Variants in PPP1R9A observed in about 807,000 individuals in gnomAD.
The protein encoded by PPP1R9A is neurabin-1.
In PPP1R9A, 59 loss-of-function variants were observed where a neutral mutation model predicts 141.9. The ratio of observed to expected loss-of-function variants is 0.42; its 90% confidence interval spans 0.34 to 0.52. The LOEUF (loss-of-function observed/expected upper bound fraction) is 0.52, where lower values mean the gene tolerates loss of function less well. PPP1R9A is among the 20% of genes least tolerant of loss of function. The probability of loss-of-function intolerance (pLI) is 0.10; values close to 1 mark genes in which losing one functional copy is unlikely to be tolerated. For synonymous variants in PPP1R9A, 500 were observed against 569.7 expected (o/e 0.88, Z 1.74); for missense variants, 1,444 against 1,611.9 (o/e 0.90, Z 1.78).
intron 2 of PPP1R9A, among the ~76,000 whole-genome samples, chr7:95,067,004 C>T (rs1045701281): frequency 1.3e-5 from 2 of 152,068 alleles, no homozygotes; most frequent in African/African-American, 2.4e-5. Context: ...CGGATTTCTC[C>T]GTTTTAACAA....
At chr7:95,226,856 C>T (rs1795210156) in intron 8 of PPP1R9A, among the ~76,000 whole-genome samples, 1 of 152,176 alleles carries the variant, frequency 6.6e-6, no homozygotes, top group Non-Finnish European at 1.5e-5. Flanking sequence ...ATGTGGATAA[C>T]TCTTCCAAAG....
At chr7:94,986,536 T>G (rs1435692248) in intron 2 of PPP1R9A, among the ~76,000 whole-genome samples, 1 of 152,140 alleles carries the variant, frequency 6.6e-6, no homozygotes, top group African/African-American at 2.4e-5. Context: ...AGGAATAAAT[T>G]CCAGTGTTGT....
chr7:95,292,927 C>T lies in PPP1R9A; in HGVS notation c.*2624C>T, dbSNP rs1806563626. ...GCTCCAATGTCTTGCACAATTCCTACTTTAATGCTAGTGGTTTTCAGTGTC... is the reference window on the plus strand; with the variant it reads ...GCTCCAATGTCTTGCACAATTCCTATTTTAATGCTAGTGGTTTTCAGTGTC... On this transcript the variant is annotated 3_prime_UTR_variant, in exon 20 of 20. Transcript: ENST00000433360. 1 of 152,190 alleles carries T rather than the reference C, an allele frequency of 6.6e-6. No homozygotes were observed. The highest frequency in any genetic ancestry group is 1.5e-5 in the Non-Finnish European group (1 of 68,042). The allele number at this position is 152,190 out of a possible 1,614,324, so 9.4% of individuals were successfully genotyped here.
chr7:95,205,467 A>C (rs1790585209), intron 7 of PPP1R9A, among the ~76,000 whole-genome samples: 1 of 152,222 alleles, frequency 6.6e-6, no homozygotes, highest in African/African-American at 2.4e-5. Flanking sequence ...AACTACCACA[A>C]ATGACAGTAT....
intron 4 of PPP1R9A, among the ~76,000 whole-genome samples, chr7:95,137,386 C>T (rs1260237292): frequency 8.2e-6 from 1 of 122,540 alleles, no homozygotes; most frequent in Non-Finnish European, 1.6e-5. Flanking sequence ...TTTCCAGCTT[C>T]ATCCATGTCC....
At chr7:95,275,678 T>TA (rs1390518299) in intron 16 of PPP1R9A, among the ~76,000 whole-genome samples, 5 of 152,150 alleles carry the variant, frequency 3.3e-5, no homozygotes, top group Admixed American at 2.0e-4. Context: ...AAAAATAAAA[T>TA]ACTATAAAAT....
chr7:95,273,309 C>A (rs924468084), intron 14 of PPP1R9A, among the ~76,000 whole-genome samples: 3 of 152,152 alleles, frequency 2.0e-5, no homozygotes, highest in Non-Finnish European at 1.5e-5. Flanking sequence ...GTAGCTGAGC[C>A]CCTGTTTAAG....
intron 2 of PPP1R9A, among the ~76,000 whole-genome samples, chr7:94,992,539 T>A (rs184097183): frequency 1.3e-5 from 2 of 152,342 alleles, no homozygotes; most frequent in Non-Finnish European, 2.9e-5. Context: ...TTAAAGAAAC[T>A]GCCAAACTGT....
rs1563370363 is a variant in PPP1R9A, at chr7:95,181,457, ATAT to A, written c.1755-16891_1755-16889del. The stretch of plus-strand genomic sequence containing the variant: ...ATATATATTCCATCATATATATAGA[ATAT>A]ATATAGAGAATATATATATTCCATC... On this transcript the variant is annotated intron_variant, in intron 5 of 19. Transcript: ENST00000433360. Among the ~76,000 whole-genome samples, 376 of 135,338 alleles carry A rather than the reference ATAT, an allele frequency of 2.8e-3. 5 individuals are homozygous for A. Among genetic ancestry groups the A allele is most frequent in the African/African-American group, 9.9e-3 (359 of 36,416 alleles). 88.8% of individuals were successfully genotyped at this position (135,338 alleles called of 152,430 possible).
At chr7:95,010,930 A>G (rs1804329598) in intron 2 of PPP1R9A, among the ~76,000 whole-genome samples, 1 of 152,110 alleles carries the variant, frequency 6.6e-6, no homozygotes, top group South Asian at 2.1e-4. Context: ...AGTACCACTG[A>G]TGTTGGTATT....
chr7:94,909,817 G>GA (rs958735994), intron 1 of PPP1R9A, 81 bp from the exon 2 acceptor site: 250 of 209,476 alleles, frequency 1.2e-3, no homozygotes, highest in East Asian at 2.0e-3. Flanking sequence ...AAGCCATTTG[G>GA]AAAAAAAAAT....
chr7:95,176,381 G>A (rs1009333259), intron 5 of PPP1R9A: 2 of 152,070 alleles, frequency 1.3e-5, no homozygotes, highest in Admixed American at 1.3e-4. Flanking sequence ...CCTTTCCTCT[G>A]ACAGAGGCTA....
At chr7:95,285,192 A>G (rs1332802222) in intron 17 of PPP1R9A, among the ~76,000 whole-genome samples, 1 of 152,206 alleles carries the variant, frequency 6.6e-6, no homozygotes, top group Non-Finnish European at 1.5e-5. Context: ...TTGATAACCA[A>G]CTAAACCCAG....
At chr7:94,972,128 GC>G (rs1350141029) in intron 2 of PPP1R9A, among the ~76,000 whole-genome samples, 3 of 152,188 alleles carry the variant, frequency 2.0e-5, no homozygotes, top group Non-Finnish European at 1.5e-5. Context: ...GAATAATAAT[GC>G]CTAATTTTAA....
At chr7:95,083,255 A>T (rs1196487821) in intron 2 of PPP1R9A, among the ~76,000 whole-genome samples, 1 of 152,008 alleles carries the variant, frequency 6.6e-6, no homozygotes, top group Non-Finnish European at 1.5e-5. Flanking sequence ...ACAAAAGGGT[A>T]TGATCTAATG....
intron 2 of PPP1R9A, among the ~76,000 whole-genome samples, chr7:94,939,380 A>G (rs918177049): frequency 6.6e-6 from 1 of 152,150 alleles, no homozygotes; most frequent in Non-Finnish European, 1.5e-5. Flanking sequence ...TACAATAACT[A>G]CTTGCTGAAT....
In PPP1R9A at chr7:95,251,902, C is replaced by A. The variant is rs752948045; in HGVS notation, c.2493+44C>A. 2.3e-5 allele frequency: 37 copies of A among 1,609,882 alleles called. 2 individuals are homozygous for A. The South Asian group carries it at 3.9e-4, about 17-fold the overall frequency. On this transcript the variant is annotated intron_variant, in intron 11 of 19. Coordinates refer to ENST00000433360, the MANE Select transcript of PPP1R9A (RefSeq NM_001166160.2). ...GACACTAAATAATAAGATGGTTTTGCTGTACTTGGAGGGGAGCGCTAGTTT... is the reference window on the plus strand; with the variant it reads ...GACACTAAATAATAAGATGGTTTTGATGTACTTGGAGGGGAGCGCTAGTTT...
rs566896300 is a variant in PPP1R9A, at chr7:95,022,999, A to C, written c.1396-88260A>C. Among the ~76,000 whole-genome samples the C allele has an allele frequency of 1.1e-4, 16 of 152,224 alleles. No individual in the cohort carries two copies. The South Asian group carries it at 1.9e-3, about 18-fold the overall frequency. On this transcript the variant is annotated intron_variant, in intron 2 of 19. Transcript: ENST00000433360. ...AGGATGATGCTGGCCTCATAAAATG[A>C]GTTTAGGAGAATTCCCTCTTTTTCT...
intron 4 of PPP1R9A, among the ~76,000 whole-genome samples, chr7:95,159,775 C>A (rs2070437905): frequency 6.6e-6 from 1 of 151,364 alleles, no homozygotes. Flanking sequence ...TACAAAAAAA[C>A]ATTAGCCGGG....
Sources: allele counts gnomAD v4.1 joint callset (sites outside exome capture counted in the v4.1 genomes callset), GRCh38; gene constraint gnomAD v4.1.1; transcripts MANE v1.5; gene names NCBI Gene and HGNC (gene_info 2026-07-23, HGNC 2026-07-21).